The following DOCK2 variants were observed in gnomAD, a reference collection of about 807,000 sequenced individuals.
The protein encoded by DOCK2 is dedicator of cytokinesis 2.
Under a neutral mutation model 248.9 loss-of-function variants are expected in DOCK2, and 87 were observed. The observed-to-expected ratio is 0.35, with a 90% CI of 0.29 to 0.42. The LOEUF (loss-of-function observed/expected upper bound fraction) is 0.42. DOCK2 is among the 10% of genes least tolerant of loss of function. DOCK2 has a pLI of 1.00. For missense variants in DOCK2, 1,747 were observed against 2,300.2 expected (o/e 0.76, Z 4.92); for synonymous variants, 805 against 821.6 (o/e 0.98, Z 0.35).
At chr5:170,024,080 C>T (rs1167594690) in intron 33 of DOCK2, among the ~76,000 whole-genome samples, 2 of 152,224 alleles carry the variant, frequency 1.3e-5, no homozygotes, top group South Asian at 2.1e-4. Flanking sequence ...CTGGAGTCCA[C>T]TCCTCCTTTC....
intron 27 of DOCK2, among the ~76,000 whole-genome samples, chr5:169,916,589 A>T (rs762062636): frequency 6.6e-6 from 1 of 152,210 alleles, no homozygotes; most frequent in Non-Finnish European, 1.5e-5. Flanking sequence ...TACCTCCTTC[A>T]TAGGATGAAA....
chr5:169,926,542 CGCATGAGGCTGGAAGGTGGGGG>C (rs1324843372), intron 27 of DOCK2, among the ~76,000 whole-genome samples: 1 of 152,084 alleles, frequency 6.6e-6, no homozygotes, highest in Non-Finnish European at 1.5e-5. Flanking sequence ...ATCTGGGTGC[CGCATGAGGCTGGAAGGTGGGGG>C]CAGTGATGTG....
intron 35 of DOCK2, among the ~76,000 whole-genome samples, chr5:170,035,397 T>G (rs1756290145): frequency 6.6e-6 from 1 of 151,498 alleles, no homozygotes; most frequent in African/African-American, 2.4e-5. Context: ...CTAAATAGAC[T>G]TTTTTTTTCA....
At chr5:169,854,892 A>G (rs1770807724) in intron 27 of DOCK2, among the ~76,000 whole-genome samples, 1 of 152,246 alleles carries the variant, frequency 6.6e-6, no homozygotes, top group Non-Finnish European at 1.5e-5. Context: ...GGCAGCCTGC[A>G]CAATGTGCTC....
intron 25 of DOCK2, among the ~76,000 whole-genome samples, chr5:169,794,144 G>A (rs900400664): frequency 1.1e-4 from 17 of 152,030 alleles, no homozygotes; most frequent in African/African-American, 3.9e-4. Context: ...TGGAACCACC[G>A]AAAGCGCAGT....
Position 169,761,376 on chromosome 5 carries a change from C to T in DOCK2, c.2448-143C>T, listed in dbSNP as rs534159763. On this transcript the variant is annotated intron_variant, in intron 24 of 51. Coordinates refer to ENST00000520908, the MANE Select transcript of DOCK2 (RefSeq NM_004946.3). ...ACCAAGAACAACTTGTACATTTTTA[C>T]TGAAGGCTTACCTTGCACCTCATGC... 4 of 661,370 alleles carry T rather than the reference C, an allele frequency of 6.0e-6. No individual in the cohort carries two copies. The East Asian group carries it at 7.6e-5, about 13-fold the overall frequency. The allele number at this position is 661,370 out of a possible 1,614,324, so 41.0% of individuals were successfully genotyped here. A position where few individuals can be genotyped will look rare whatever the true frequency, so the allele number is the denominator to read the frequency against.
At chr5:169,951,246 T>C (rs572413114) in intron 27 of DOCK2, among the ~76,000 whole-genome samples, 2 of 152,250 alleles carry the variant, frequency 1.3e-5, no homozygotes, top group Non-Finnish European at 2.9e-5. Context: ...TTACCTTCCC[T>C]AGTGTGGACA....
chr5:169,691,502 GGTTAAATTCA>G (rs1237858425), intron 9 of DOCK2, among the ~76,000 whole-genome samples: 2 of 152,152 alleles, frequency 1.3e-5, no homozygotes, highest in Non-Finnish European at 2.9e-5. Context: ...GGTGCAGTGG[GGTTAAATTCA>G]GATAATAAAA....
chr5:169,718,769 C>A lies in DOCK2; in HGVS notation c.2245C>A (p.Arg749=), dbSNP rs748633577. The change falls in exon 22 of 52, where the codon CGG becomes AGG. Residue 749 remains arginine (R), a synonymous_variant. Coordinates refer to ENST00000520908, the MANE Select transcript of DOCK2 (RefSeq NM_004946.3). The part of the protein sequence containing the change: ...ALEYVFKFIV[R]SRTLFSQLYE... ...GGAATATGTGTTCAAGTTCATTGTT[C>A]GGTCGAGGACATTATTTTCACAGTG... is the stretch of plus-strand genomic sequence containing the variant. 6 of 1,613,320 alleles carry A rather than the reference C, an allele frequency of 3.7e-6. No homozygotes were observed. The highest frequency in any genetic ancestry group is 2.7e-5 in the African/African-American group (2 of 74,896).
At chr5:169,643,613 C>T (rs1757275053) in intron 1 of DOCK2, among the ~76,000 whole-genome samples, 1 of 152,188 alleles carries the variant, frequency 6.6e-6, no homozygotes, top group African/African-American at 2.4e-5. Context: ...GGATTGCCTG[C>T]TGCTCACCTC....
At position 169,808,886 on chromosome 5, in the gene DOCK2, G is replaced by A. The variant is rs139772509; in HGVS notation, c.2703+5680G>A. ...GGCTGCATCTGAATCGTGGACATAA[G>A]GAATTCTCAGAATCATCTTTTTTTA... On this transcript the variant is annotated intron_variant, in intron 26 of 51. Coordinates refer to ENST00000520908, the MANE Select transcript of DOCK2 (RefSeq NM_004946.3). Among the ~76,000 whole-genome samples the A allele has an allele frequency of 3.3e-4, 51 of 152,242 alleles. No homozygotes were observed. In the East Asian group the frequency reaches 7.7e-3, roughly 23 times the overall value.
chr5:169,703,431 A>G (rs986869825), intron 14 of DOCK2, among the ~76,000 whole-genome samples: 1 of 152,232 alleles, frequency 6.6e-6, no homozygotes, highest in African/African-American at 2.4e-5. Context: ...CACTTACAGT[A>G]ACTCGCCCAA....
At chr5:169,718,964 G>A (rs945138422) in intron 22 of DOCK2, among the ~76,000 whole-genome samples, 173 bp downstream of exon 22, 1 of 152,146 alleles carries the variant, frequency 6.6e-6, no homozygotes, top group South Asian at 2.1e-4. Flanking sequence ...TACCCTCTAA[G>A]TTCATTTGGG....
At chr5:170,071,075 C>T (rs1167294809) in intron 46 of DOCK2, among the ~76,000 whole-genome samples, 1 of 152,194 alleles carries the variant, frequency 6.6e-6, no homozygotes, top group Non-Finnish European at 1.5e-5. Flanking sequence ...ACGAGGTTGA[C>T]CTCAGCCATA....
intron 30 of DOCK2, among the ~76,000 whole-genome samples, chr5:170,005,999 T>A (rs1755021809): frequency 6.6e-6 from 1 of 152,194 alleles, no homozygotes; most frequent in Admixed American, 6.5e-5. Flanking sequence ...ATGGAAACAC[T>A]CATTTCCATG....
intron 27 of DOCK2, among the ~76,000 whole-genome samples, chr5:169,939,108 A>ATG (rs1776124031): frequency 2.0e-5 from 3 of 151,350 alleles, no homozygotes; most frequent in Non-Finnish European, 2.9e-5. Flanking sequence ...GTTTCACCGC[A>ATG]TTAGCCAGGA....
chr5:169,829,091 C>T (rs982287580), intron 26 of DOCK2, among the ~76,000 whole-genome samples: 4 of 151,184 alleles, frequency 2.6e-5, no homozygotes, highest in African/African-American at 7.3e-5. Flanking sequence ...CACTAGTTTG[C>T]GATTGGATGG....
chr5:169,923,018 G>A (rs1037876518), intron 27 of DOCK2, among the ~76,000 whole-genome samples: 22 of 152,238 alleles, frequency 1.4e-4, no homozygotes, highest in Admixed American at 7.2e-4. Flanking sequence ...TAATTTTACC[G>A]TATTTCACAG....
intron 27 of DOCK2, among the ~76,000 whole-genome samples, chr5:169,902,360 A>C (rs261052): frequency 0.97 from 148,478 of 152,300 alleles, 72,395 homozygotes; most frequent in East Asian, 1. Flanking sequence ...CCAGTGAGCC[A>C]CATTTTAGAA....
Sources: allele counts gnomAD v4.1 joint callset (sites outside exome capture counted in the v4.1 genomes callset), GRCh38; gene constraint gnomAD v4.1.1; transcripts MANE v1.5; gene names NCBI Gene and HGNC (gene_info 2026-07-23, HGNC 2026-07-21).